The following SERINC1 variants were observed in gnomAD, a reference collection of about 807,000 sequenced individuals.
SERINC1 encodes the protein serine incorporator 1.
A neutral mutation model predicts 52.9 loss-of-function variants in SERINC1; 38 were observed. The observed-to-expected ratio is 0.72, with a 90% CI of 0.55 to 0.94. SERINC1 has a LOEUF of 0.94. SERINC1 is among the 40% of genes least tolerant of loss of function. The pLI is 0.00. For synonymous variants in SERINC1, 198 were observed against 183.1 expected, an observed-to-expected ratio of 1.08 and a Z score of -0.66; for missense variants, 471 against 533.9, an observed-to-expected ratio of 0.88 and a Z score of 1.16.
At chr6:122,471,025 T>C (rs1775283962) in intron 1 of SERINC1, among the ~76,000 whole-genome samples, 2 of 151,226 alleles carry the variant, frequency 1.3e-5, no homozygotes. Flanking sequence ...ACGCATGTTT[T>C]GTGCCTAAAG....
Position 122,451,758 on chromosome 6 carries a change from C to CAAAAAAAAAAAAAAAAAAAAA in SERINC1, c.760-5_760-4insTTTTTTTTTTTTTTTTTTTTT. 1.1e-5 allele frequency: 1 copy of CAAAAAAAAAAAAAAAAAAAAA among 87,684 alleles called. No homozygotes were observed. Among genetic ancestry groups the CAAAAAAAAAAAAAAAAAAAAA allele is most frequent in the Non-Finnish European group, 1.7e-5 (1 of 60,094 alleles). 5.4% of individuals were successfully genotyped at this position (87,684 alleles called of 1,614,324 possible). A position where few individuals can be genotyped will look rare whatever the true frequency, so the allele number is the denominator to read the frequency against. On this transcript the variant is annotated splice_region_variant and splice_polypyrimidine_tract_variant and intron_variant, in intron 6 of 9. Coordinates refer to ENST00000339697, the MANE Select transcript of SERINC1 (RefSeq NM_020755.4). Reference sequence around the variant, plus strand: ...AACCAGATCTTGGTTGTGATTCCTACAAAAAAAAAAAAAAAAAAATATATA... The same window carrying CAAAAAAAAAAAAAAAAAAAAA: ...AACCAGATCTTGGTTGTGATTCCTACAAAAAAAAAAAAAAAAAAAAAAAAAAAAAAAAAAAAAAAATATATA...
chr6:122,449,251 G>C (rs1369872785), intron 7 of SERINC1, among the ~76,000 whole-genome samples: 1 of 152,168 alleles, frequency 6.6e-6, no homozygotes, highest in Non-Finnish European at 1.5e-5. Context: ...AGCTAGAAAT[G>C]ATTAAGCTTA....
At chr6:122,452,318 C>G (rs1397965476) in intron 5 of SERINC1, among the ~76,000 whole-genome samples, 1 of 151,950 alleles carries the variant, frequency 6.6e-6, no homozygotes, top group Non-Finnish European at 1.5e-5. Context: ...GGATTTAATA[C>G]TAATATCTAT....
chr6:122,446,960 G>A lies in SERINC1; in HGVS notation c.1040C>T (p.Thr347Ile). 6.2e-7 allele frequency: 1 copy of A among 1,613,286 alleles called. No individual in the cohort carries two copies. Among genetic ancestry groups the A allele is most frequent in the Non-Finnish European group, 8.5e-7 (1 of 1,179,246 alleles). Residue 347 changes from threonine (T) to isoleucine (I), a missense_variant, in exon 9 of 10, where the codon ACA (threonine) becomes ATA (isoleucine). Coordinates refer to ENST00000339697, the MANE Select transcript of SERINC1 (RefSeq NM_020755.4). Reference sequence around the variant, plus strand: ...TTCTATTAATGTAGATTCATCACTTGTTAGAGTCAGTTTATTAACCTGACT... The same window carrying A: ...TTCTATTAATGTAGATTCATCACTTATTAGAGTCAGTTTATTAACCTGACT... Reference protein sequence around the residue: ...NNSQVNKLTLTSDESTLIEDG... With the variant: ...NNSQVNKLTLISDESTLIEDG...
intron 1 of SERINC1, among the ~76,000 whole-genome samples, chr6:122,460,754 A>G (rs548035835): frequency 1.3e-5 from 2 of 152,358 alleles, no homozygotes; most frequent in South Asian, 4.1e-4. Flanking sequence ...CAATCAGTCA[A>G]TATCAACCTG....
At position 122,443,428 on chromosome 6, in the gene SERINC1, G is replaced by A. The variant is rs1365305317; in HGVS notation, c.*1616C>T. On this transcript the variant is annotated 3_prime_UTR_variant, in exon 10 of 10. Transcript: ENST00000339697. Reference sequence around the variant, plus strand: ...AATACAATGTCTACACACAGAATAAGGTTGGGGAATTAAGCTGAATTGTTA... The same window carrying A: ...AATACAATGTCTACACACAGAATAAAGTTGGGGAATTAAGCTGAATTGTTA... 1 of 152,114 alleles carries A rather than the reference G, an allele frequency of 6.6e-6. No individual in the cohort carries two copies. 9.4% of individuals were successfully genotyped at this position (152,114 alleles called of 1,614,324 possible). A position where few individuals can be genotyped will look rare whatever the true frequency, so the allele number is the denominator to read the frequency against.
chr6:122,462,777 CAT>C (rs746828950), intron 1 of SERINC1, among the ~76,000 whole-genome samples: 7 of 152,082 alleles, frequency 4.6e-5, no homozygotes, highest in Non-Finnish European at 8.8e-5. Flanking sequence ...TCTAACAAAA[CAT>C]AGACAAGATC....
At chr6:122,462,766 A>G (rs865786192) in intron 1 of SERINC1, among the ~76,000 whole-genome samples, 4 of 152,362 alleles carry the variant, frequency 2.6e-5, no homozygotes, top group Middle Eastern at 6.8e-3. Context: ...ATAGTTATAA[A>G]TCTAACAAAA....
At chr6:122,465,529 T>G (rs544325109) in intron 1 of SERINC1, among the ~76,000 whole-genome samples, 5 of 152,214 alleles carry the variant, frequency 3.3e-5, no homozygotes, top group Admixed American at 2.6e-4. Flanking sequence ...TGCAGGTATA[T>G]TCCCCAGGTT....
rs1562212427 is a variant in SERINC1 at position 122,447,222 on chromosome 6, A to AT, written c.893dup (p.Asn298LysfsTer42). ...CTTCCTTTGGGACAGTGCTTGTTGT[A>AT]TTGTAGCCAATTATGCTTAGTAGAC... On this transcript the variant is annotated frameshift_variant, in exon 8 of 10. Coordinates refer to ENST00000339697, the MANE Select transcript of SERINC1 (RefSeq NM_020755.4). LOFTEE classifies it high-confidence loss of function. The AT allele has an allele frequency of 6.2e-7, 1 of 1,612,694 alleles. No individual in the cohort carries two copies.
rs80305211 is a variant in SERINC1 at position 122,464,279 on chromosome 6, A to T, written c.40-5598T>A. ...TGTAAATTATACCTTAACTAAAAAA[A>T]GTCCTTAAAATAGAGAATCCTCTAA... On this transcript the variant is annotated intron_variant, in intron 1 of 9. Coordinates refer to ENST00000339697, the MANE Select transcript of SERINC1 (RefSeq NM_020755.4). 6.6e-3 allele frequency among the ~76,000 whole-genome samples: 1,000 copies of T among 152,346 alleles called. 61 individuals carry two copies. In the East Asian group the frequency reaches 0.14, roughly 22 times the overall value.
At chr6:122,451,432 G>A (rs538543914) in intron 7 of SERINC1, among the ~76,000 whole-genome samples, 1 of 152,068 alleles carries the variant, frequency 6.6e-6, no homozygotes, top group African/African-American at 2.4e-5. Flanking sequence ...GTTTCATTGT[G>A]GTGCTCTGAA....
chr6:122,465,267 C>G (rs1435647331), intron 1 of SERINC1, among the ~76,000 whole-genome samples: 1 of 152,044 alleles, frequency 6.6e-6, no homozygotes, highest in Non-Finnish European at 1.5e-5. Context: ...CCAGGAGTCT[C>G]TGTAAGTGAC....
At chr6:122,449,761 A>C (rs1020966229) in intron 7 of SERINC1, among the ~76,000 whole-genome samples, 31 of 152,248 alleles carry the variant, frequency 2.0e-4, no homozygotes, top group Non-Finnish European at 1.2e-4. Flanking sequence ...TCACGCCTGT[A>C]AGTTCAGCAC....
intron 1 of SERINC1, among the ~76,000 whole-genome samples, chr6:122,466,521 A>AT (rs1422533370): frequency 2.0e-5 from 3 of 152,004 alleles, no homozygotes; most frequent in Non-Finnish European, 4.4e-5. Context: ...ATTTTTTTGT[A>AT]TTTTTTGTAT....
At chr6:122,465,353 C>T (rs1202454573) in intron 1 of SERINC1, among the ~76,000 whole-genome samples, 1 of 152,096 alleles carries the variant, frequency 6.6e-6, no homozygotes, top group Admixed American at 6.5e-5. Context: ...GATTTCATTC[C>T]ATTTCTTGCA....
At position 122,451,955 on chromosome 6, in the gene SERINC1, G is replaced by A. The variant is rs1774915744; in HGVS notation, c.692C>T (p.Ala231Val). The A allele has an allele frequency of 2.5e-6, 4 of 1,598,272 alleles. No individual in the cohort carries two copies. Among genetic ancestry groups the A allele is most frequent in the Admixed American group, 1.7e-5 (1 of 57,574 alleles). ...THPASCSENKAFISVNMLLCV... is the reference protein window; with the variant it reads ...THPASCSENKVFISVNMLLCV... ...GAGGAGCATGTTGACACTGATGAAC[G>A]CCTTGTTTTCTGAACAACTGGCTGG... Residue 231 changes from alanine to valine, a missense_variant, in exon 6 of 10, where the codon GCG becomes GTG. Physicochemically the swap from Ala to Val is moderately conservative, Grantham distance 64. Coordinates refer to ENST00000339697, the MANE Select transcript of SERINC1 (RefSeq NM_020755.4).
intron 1 of SERINC1, among the ~76,000 whole-genome samples, chr6:122,466,166 C>T (rs1036931129): frequency 5.9e-5 from 9 of 152,040 alleles, no homozygotes; most frequent in African/African-American, 1.9e-4. Flanking sequence ...CGGAATTGCT[C>T]GAACTTGGGA....
chr6:122,446,890 A>G lies in SERINC1; in HGVS notation c.1110T>C (p.Asp370=). The G allele has an allele frequency of 6.2e-7, 1 of 1,613,340 alleles. No homozygotes were observed. The highest frequency in any genetic ancestry group is 8.5e-7 in the Non-Finnish European group (1 of 1,179,278). The change falls in exon 9 of 10, where the codon GAT becomes GAC. Residue 370 remains aspartate (D), a synonymous_variant. Coordinates refer to ENST00000339697, the MANE Select transcript of SERINC1 (RefSeq NM_020755.4). ...RSDGSLEDGD[D]VHRAVDNERD... ...TTTCATTATCTACAGCTCGGTGAAC[A>G]TCGTCCCCATCCTCCAGTGATCCAT...
Sources: allele counts gnomAD v4.1 joint callset (sites outside exome capture counted in the v4.1 genomes callset), GRCh38; gene constraint gnomAD v4.1.1; transcripts MANE v1.5; gene names NCBI Gene and HGNC (gene_info 2026-07-23, HGNC 2026-07-21).